BSN: variants seen among roughly 807,000 people sequenced by gnomAD.
The protein encoded by BSN is bassoon presynaptic cytomatrix protein.
Under a neutral mutation model 264.8 loss-of-function variants are expected in BSN, and 57 were observed. The ratio of observed to expected loss-of-function variants is 0.22; its 90% confidence interval spans 0.17 to 0.27. The LOEUF is 0.27. Among genes scored for constraint, BSN ranks in the 10% least tolerant of loss-of-function variants. BSN has a pLI of 1.00. For missense variants in BSN, 4,615 were observed against 5,232.5 expected (o/e 0.88, Z 3.64); for synonymous variants, 2,059 against 2,137.3 (o/e 0.96, Z 1.01).
At chr3:49,589,161 C>G (rs2051958947) in intron 1 of BSN, among the ~76,000 whole-genome samples, 1 of 151,258 alleles carries the variant, frequency 6.6e-6, no homozygotes, top group Admixed American at 6.6e-5. Context: ...ATCCGCCCGC[C>G]TCGGCCTCCC....
rs186290926 is a variant in BSN, at chr3:49,607,487, G to A, written c.225-17488G>A. 5.3e-5 allele frequency among the ~76,000 whole-genome samples: 8 copies of A among 152,310 alleles called. No homozygotes were observed. In the East Asian group the frequency reaches 5.8e-4, roughly 11 times the overall value. ...TACTCATTAGTCAGTGGCTAGCAAC[G>A]TGCCATGTAGGGTGTGATCACATAT... On this transcript the variant is annotated intron_variant, in intron 1 of 11. Coordinates refer to ENST00000296452, the MANE Select transcript of BSN (RefSeq NM_003458.4).
intron 1 of BSN, among the ~76,000 whole-genome samples, chr3:49,557,281 C>T (rs1277464364): frequency 6.6e-6 from 1 of 152,158 alleles, no homozygotes; most frequent in East Asian, 1.9e-4. Context: ...GAACTCTAAC[C>T]CAGGCTCCAC....
chr3:49,567,805 G>A (rs918915243), intron 1 of BSN, among the ~76,000 whole-genome samples: 16 of 152,258 alleles, frequency 1.1e-4, no homozygotes, highest in Admixed American at 1.0e-3. Flanking sequence ...GTAGAATGGA[G>A]TGTGTTTCTA....
chr3:49,586,077 C>A (rs758867294), intron 1 of BSN, among the ~76,000 whole-genome samples: 1 of 151,924 alleles, frequency 6.6e-6, no homozygotes, highest in Non-Finnish European at 1.5e-5. Context: ...TGATTGTATC[C>A]TTTGCTGTGC....
At chr3:49,639,292 A>G (rs559852975) in intron 2 of BSN, among the ~76,000 whole-genome samples, 2 of 145,490 alleles carry the variant, frequency 1.4e-5, no homozygotes, top group Non-Finnish European at 3.0e-5. Flanking sequence ...TCTGCCTCCC[A>G]GGTTCAAGCG....
intron 1 of BSN, among the ~76,000 whole-genome samples, chr3:49,558,373 C>T (rs1195513458): frequency 6.6e-6 from 1 of 152,232 alleles, no homozygotes; most frequent in Non-Finnish European, 1.5e-5. Context: ...GCCAAAGTCG[C>T]CTCTCTTCAC....
At chr3:49,632,711 G>A (rs1450217971) in intron 2 of BSN, among the ~76,000 whole-genome samples, 3 of 152,122 alleles carry the variant, frequency 2.0e-5, no homozygotes, top group Non-Finnish European at 2.9e-5. Context: ...GGCTGAGGCA[G>A]GAGAATCGCT....
At position 49,650,842 on chromosome 3, in the gene BSN, C is replaced by T. The variant is rs773613012; in HGVS notation, c.1749C>T (p.Pro583=). The T allele has an allele frequency of 1.2e-6, 2 of 1,614,102 alleles. No homozygotes were observed. Among genetic ancestry groups the T allele is most frequent in the Admixed American group, 1.7e-5 (1 of 60,004 alleles). ...SPLSTKASPL[P]SKASPQAKPL... ...TATCCACCAAGGCCAGCCCTCTGCCCAGCAAGGCCAGCCCCCAGGCCAAGC... is the reference window on the plus strand; with the variant it reads ...TATCCACCAAGGCCAGCCCTCTGCCTAGCAAGGCCAGCCCCCAGGCCAAGC... The change falls in exon 4 of 12, where the codon CCC becomes CCT. Residue 583 remains proline (P), a synonymous_variant. Transcript: ENST00000296452.
intron 6 of BSN, 97 bp downstream of exon 6, chr3:49,662,659 G>A: frequency 6.7e-7 from 1 of 1,503,550 alleles, no homozygotes; most frequent in Non-Finnish European, 8.8e-7. Flanking sequence ...AGCAGGGTCT[G>A]GTCTGGCGCC....
intron 1 of BSN, among the ~76,000 whole-genome samples, chr3:49,583,955 G>A (rs2051914415): frequency 6.6e-6 from 1 of 152,118 alleles, no homozygotes; most frequent in African/African-American, 2.4e-5. Context: ...CTCACTGCAA[G>A]CTCTGCCTCC....
At chr3:49,597,102 A>G (rs963681050) in intron 1 of BSN, among the ~76,000 whole-genome samples, 12 of 152,050 alleles carry the variant, frequency 7.9e-5, no homozygotes, top group African/African-American at 2.7e-4. Flanking sequence ...TTCTTCAAAC[A>G]TTTTTTATGT....
chr3:49,634,532 C>T (rs1282018644), intron 2 of BSN, among the ~76,000 whole-genome samples: 1 of 152,196 alleles, frequency 6.6e-6, no homozygotes, highest in African/African-American at 2.4e-5. Flanking sequence ...GCTGGGATTA[C>T]AGGCATGTGC....
Position 49,655,772 on chromosome 3 carries a change from G to T in BSN, c.6216G>T (p.Arg2072Ser). ...SSVSNIYSDHRYGPRGDAVGF... is the reference protein window; with the variant it reads ...SSVSNIYSDHSYGPRGDAVGF... Reference sequence around the variant, plus strand: ...TGTCGAACATCTACTCAGACCACAGGTACGGCCCACGGGGAGATGCAGTTG... The same window carrying T: ...TGTCGAACATCTACTCAGACCACAGTTACGGCCCACGGGGAGATGCAGTTG... Residue 2072 changes from arginine (R) to serine (S), a missense_variant, in exon 5 of 12, where the codon AGG becomes AGT. Coordinates refer to ENST00000296452, the MANE Select transcript of BSN (RefSeq NM_003458.4). 1 of 1,613,496 alleles carries T rather than the reference G, an allele frequency of 6.2e-7. No homozygotes were observed. The highest frequency in any genetic ancestry group is 8.5e-7 in the Non-Finnish European group (1 of 1,180,040).
intron 1 of BSN, among the ~76,000 whole-genome samples, chr3:49,606,240 TGTATATATTATATA>T (rs2052145486): frequency 1.7e-5 from 1 of 60,140 alleles, no homozygotes; most frequent in African/African-American, 9.3e-5. Flanking sequence ...ATATTATATA[TGTATATATTATATA>T]TAAAATATAT....
chr3:49,662,000 G>A lies in BSN; in HGVS notation c.10155G>A (p.Leu3385=). ...AGGCCAAAGACGTAGAGTCAGACCT[G>A]GCGTCCTACCCCCCACCTGCAGTCA... ...IEEAKDVESD[L]ASYPPPAVSS... is the part of the protein sequence containing the mutation. Residue 3385 remains leucine, a synonymous_variant, in exon 6 of 12, where the codon CTG becomes CTA. Transcript: ENST00000296452. 1 of 1,613,900 alleles carries A rather than the reference G, an allele frequency of 6.2e-7. No homozygotes were observed. The highest frequency in any genetic ancestry group is 8.5e-7 in the Non-Finnish European group (1 of 1,180,024).
Position 49,669,928 on chromosome 3 carries a change from T to A in BSN, c.*2443T>A, listed in dbSNP as rs979979392. The A allele has an allele frequency of 6.5e-6, 1 of 152,700 alleles. No individual in the cohort carries two copies. The highest frequency in any genetic ancestry group is 2.4e-5 in the African/African-American group (1 of 41,470). 9.5% of individuals were successfully genotyped at this position (152,700 alleles called of 1,614,324 possible). On this transcript the variant is annotated 3_prime_UTR_variant, in exon 12 of 12. Coordinates refer to ENST00000296452, the MANE Select transcript of BSN (RefSeq NM_003458.4). The stretch of plus-strand genomic sequence containing the variant: ...CGGCAGGCAGTACCTGCCTGACCCT[T>A]CAAGGCCTGACCTTCGTCCAGAGTG...
At chr3:49,555,066 G>A (rs2051654574) in intron 1 of BSN, among the ~76,000 whole-genome samples, 1 of 152,172 alleles carries the variant, frequency 6.6e-6, no homozygotes, top group African/African-American at 2.4e-5. Context: ...CCGTGACTCC[G>A]TCACGAACCC....
At chr3:49,598,131 C>G (rs1162488550) in intron 1 of BSN, among the ~76,000 whole-genome samples, 1 of 152,180 alleles carries the variant, frequency 6.6e-6, no homozygotes, top group Non-Finnish European at 1.5e-5. Flanking sequence ...CATCTAGACT[C>G]AGAAACAGTT....
At chr3:49,559,882 G>C (rs1423106699) in intron 1 of BSN, among the ~76,000 whole-genome samples, 1 of 152,174 alleles carries the variant, frequency 6.6e-6, no homozygotes, top group African/African-American at 2.4e-5. Context: ...TTAAAAAAGA[G>C]TTTATTGAAG....
Sources: gnomAD v4.1 joint callset for allele counts (sites outside exome capture counted in the v4.1 genomes callset) on GRCh38, gnomAD v4.1.1 for gene constraint, MANE v1.5 for transcripts, NCBI Gene and HGNC (gene_info 2026-07-23, HGNC 2026-07-21) for gene names.